KLHL29: variants seen among roughly 807,000 people sequenced by gnomAD.
The protein encoded by KLHL29 is kelch like family member 29.
KLHL29 carries 21 observed loss-of-function variants against 80.4 expected under a neutral mutation model. The observed-to-expected ratio is 0.26, with a 90% CI of 0.19 to 0.38. The LOEUF (loss-of-function observed/expected upper bound fraction) is 0.38, where lower values mean the gene tolerates loss of function less well. Among genes scored for constraint, KLHL29 ranks in the 10% least tolerant of loss-of-function variants. KLHL29 has a pLI of 1.00. For missense variants in KLHL29, 867 were observed against 1,223.9 expected, an observed-to-expected ratio of 0.71 and a Z score of 4.35; for synonymous variants, 511 against 526.8, an observed-to-expected ratio of 0.97 and a Z score of 0.41.
At chr2:23,436,778 A>C (rs1187463027) in intron 1 of KLHL29, among the ~76,000 whole-genome samples, 1 of 152,232 alleles carries the variant, frequency 6.6e-6, no homozygotes, top group Non-Finnish European at 1.5e-5. Context: ...ATTTAAGCCC[A>C]TGTCTTGCTA....
chr2:23,562,426 G>T lies in KLHL29; in HGVS notation c.230G>T (p.Ser77Ile), dbSNP rs766687369. The T allele has an allele frequency of 5.2e-6, 8 of 1,537,414 alleles. No individual in the cohort carries two copies. Among genetic ancestry groups the T allele is most frequent in the African/African-American group, 1.4e-5 (1 of 73,052 alleles). Reference protein sequence around the residue: ...ATAPAPCTTGSSEAITSLVAS... With the variant: ...ATAPAPCTTGISEAITSLVAS... ...GCTCCTGCTCCCTGCACCACCGGCA[G>T]CAGCGAGGCCATCACCAGCCTCGTG... Residue 77 changes from serine to isoleucine, a missense_variant, in exon 3 of 14, where the codon AGC becomes ATC. Ser to Ile is a moderately radical substitution (Grantham distance 142, BLOSUM62 -2). This residue lies in a region of KLHL29 where 424 missense variants were observed against 456.9 expected (regional missense o/e 0.93). Transcript: ENST00000486442. This position sits in a 1 kb window ranked among gnomAD's most constrained non-coding sequence, Gnocchi z 4.5.
At chr2:23,390,818 A>T (rs1572475164) in intron 1 of KLHL29, among the ~76,000 whole-genome samples, 1 of 151,540 alleles carries the variant, frequency 6.6e-6, no homozygotes, top group Non-Finnish European at 1.5e-5. Context: ...CGCCCAGCAA[A>T]TTTTTTTGCA....
At chr2:23,693,162 TC>T (rs56228887) in intron 7 of KLHL29, 106 bp from the exon 8 acceptor site, 1,334,697 of 1,334,826 alleles carry the variant, frequency 1, 667,284 homozygotes, top group Middle Eastern at 1. Context: ...GCAGTCAGGG[TC>T]CCCCGGGATG....
intron 2 of KLHL29, among the ~76,000 whole-genome samples, chr2:23,498,371 G>C (rs12986988): frequency 0.021 from 3,205 of 152,226 alleles, 52 homozygotes; most frequent in Non-Finnish European, 0.035. Flanking sequence ...TGGAGGCTGC[G>C]GCACCAGTGA....
At chr2:23,667,343 A>T (rs1385185496) in intron 5 of KLHL29, 1 of 152,220 alleles carries the variant, frequency 6.6e-6, no homozygotes, top group Non-Finnish European at 1.5e-5. Flanking sequence ...GAGTGAGAAC[A>T]AAAAGGCAAA....
At chr2:23,529,583 G>T (rs185850307) in intron 2 of KLHL29, among the ~76,000 whole-genome samples, 39 of 139,042 alleles carry the variant, frequency 2.8e-4, no homozygotes, top group African/African-American at 1.0e-3. Context: ...TTGCCCACCC[G>T]CCCCCACCAA....
chr2:23,567,092 A>G (rs979949002), intron 3 of KLHL29, among the ~76,000 whole-genome samples: 2 of 152,208 alleles, frequency 1.3e-5, no homozygotes, highest in East Asian at 1.9e-4. Context: ...GCTCCTGAGA[A>G]GCAGAACTGC....
intron 5 of KLHL29, among the ~76,000 whole-genome samples, chr2:23,651,436 C>G (rs1402982207): frequency 1.3e-5 from 2 of 152,134 alleles, no homozygotes; most frequent in Non-Finnish European, 2.9e-5. Context: ...TGCCTCAGAC[C>G]AAGGTCTACA....
chr2:23,642,378 G>A lies in KLHL29; in HGVS notation c.468G>A (p.Gln156=), dbSNP rs1669792830. 4.2e-6 allele frequency: 6 copies of A among 1,444,110 alleles called. No individual in the cohort carries two copies. Among genetic ancestry groups the A allele is most frequent in the Middle Eastern group, 1.8e-4 (1 of 5,518 alleles). The allele number at this position is 1,444,110 out of a possible 1,614,324, so 89.5% of individuals were successfully genotyped here. ...TGACCACGGTGGCCGCCGGGAACCA[G>A]CCCACCCTGATTGCACACTCCTATG... ...PWVTTVAAGN[Q]PTLIAHSYGV... is the part of the protein sequence containing the mutation. Residue 156 remains glutamine (Q), a synonymous_variant, in exon 5 of 14, where the codon CAG becomes CAA. Transcript: ENST00000486442.
chr2:23,580,372 A>C (rs1667951001), intron 3 of KLHL29, among the ~76,000 whole-genome samples: 1 of 136,100 alleles, frequency 7.3e-6, no homozygotes, highest in South Asian at 2.7e-4. Flanking sequence ...ACTCTGTCTC[A>C]TAAAAAAGAT....
intron 5 of KLHL29, among the ~76,000 whole-genome samples, chr2:23,654,592 T>C (rs1373131531): frequency 2.0e-5 from 3 of 150,432 alleles, no homozygotes; most frequent in Non-Finnish European, 4.4e-5. Context: ...GATTTGAAGC[T>C]GGCCCTGCTG....
At chr2:23,646,813 AC>A (rs987016071) in intron 5 of KLHL29, among the ~76,000 whole-genome samples, 6 of 152,190 alleles carry the variant, frequency 3.9e-5, no homozygotes, top group African/African-American at 1.4e-4. Context: ...TAGCTGTGTG[AC>A]TGGGACAAGC....
intron 4 of KLHL29, among the ~76,000 whole-genome samples, chr2:23,640,096 GC>G (rs1669724402): frequency 6.6e-6 from 1 of 152,164 alleles, no homozygotes; most frequent in Non-Finnish European, 1.5e-5. Context: ...TGCCCCAGCA[GC>G]TACGGTTACC....
intron 2 of KLHL29, among the ~76,000 whole-genome samples, chr2:23,524,891 T>G (rs555868294): frequency 6.6e-6 from 1 of 152,346 alleles, no homozygotes; most frequent in Non-Finnish European, 1.5e-5. Context: ...CATTTCTATT[T>G]CATGGGGATC....
chr2:23,494,024 A>G (rs181545862), intron 2 of KLHL29, among the ~76,000 whole-genome samples: 1 of 152,372 alleles, frequency 6.6e-6, no homozygotes, highest in Admixed American at 6.5e-5. Context: ...AACATTAGCA[A>G]GTAATGTAAA....
chr2:23,403,835 T>TGTGTGC (rs1014156353), intron 1 of KLHL29, among the ~76,000 whole-genome samples: 22 of 151,770 alleles, frequency 1.4e-4, no homozygotes, highest in African/African-American at 5.3e-4. Context: ...AAAAAGAGCG[T>TGTGTGC]GTGTGCGTGT....
At chr2:23,608,893 G>A (rs1426138243) in intron 3 of KLHL29, among the ~76,000 whole-genome samples, 1 of 152,158 alleles carries the variant, frequency 6.6e-6, no homozygotes, top group Non-Finnish European at 1.5e-5. Flanking sequence ...TAAAACTACT[G>A]TGTGATTAAG....
At chr2:23,573,114 C>CGCAGATTTTACATCATTGGA (rs1321500362) in intron 3 of KLHL29, among the ~76,000 whole-genome samples, 5 of 152,182 alleles carry the variant, frequency 3.3e-5, no homozygotes, top group Non-Finnish European at 7.3e-5. Context: ...GTGTCGGGGG[C>CGCAGATTTTACATCATTGGA]GCAGATTTTA....
At chr2:23,578,649 C>T (rs1202916777) in intron 3 of KLHL29, among the ~76,000 whole-genome samples, 1 of 152,194 alleles carries the variant, frequency 6.6e-6, no homozygotes. Context: ...GCTGGCACCT[C>T]CCGCTTGCCT....
Sources: allele counts gnomAD v4.1 joint callset (sites outside exome capture counted in the v4.1 genomes callset), GRCh38; gene constraint gnomAD v4.1.1; regional missense constraint gnomAD v4.1.1; non-coding constraint Gnocchi (gnomAD v3.1); transcripts MANE v1.5; gene names NCBI Gene and HGNC (gene_info 2026-07-23, HGNC 2026-07-21).